The following PARD3 variants were observed in gnomAD, a reference collection of about 807,000 sequenced individuals.
PARD3 encodes partitioning defective 3 homolog.
Under a neutral mutation model 155.4 loss-of-function variants are expected in PARD3, and 75 were observed. The observed-to-expected ratio is 0.48, with a 90% CI of 0.40 to 0.58. The LOEUF (loss-of-function observed/expected upper bound fraction) is 0.58, where lower values mean the gene tolerates loss of function less well. PARD3 is among the 20% of genes least tolerant of loss of function. The probability of loss-of-function intolerance (pLI) is 0.00; values close to 1 mark genes in which losing one functional copy is unlikely to be tolerated. For synonymous variants in PARD3, 576 were observed against 610.5 expected (o/e 0.94, Z 0.83); for missense variants, 1,642 against 1,721.7 (o/e 0.95, Z 0.82).
intron 2 of PARD3, among the ~76,000 whole-genome samples, chr10:34,533,153 A>C (rs1200753553): frequency 2.6e-5 from 4 of 152,234 alleles, no homozygotes; most frequent in Non-Finnish European, 2.9e-5. Flanking sequence ...TGCAATATTG[A>C]CCAAAATATT....
At chr10:34,485,102 C>T (rs1416047134) in intron 3 of PARD3, among the ~76,000 whole-genome samples, 2 of 152,136 alleles carry the variant, frequency 1.3e-5, no homozygotes, top group Non-Finnish European at 2.9e-5. Context: ...CTTTGGGAGG[C>T]CAAGGCAGGC....
intron 2 of PARD3, among the ~76,000 whole-genome samples, chr10:34,537,509 C>T (rs573049018): frequency 3.9e-5 from 6 of 152,266 alleles, no homozygotes; most frequent in East Asian, 1.9e-4. Context: ...TTCACAGATT[C>T]GAAGTCCAAC....
chr10:34,263,832 T>C (rs971422773), intron 22 of PARD3, among the ~76,000 whole-genome samples: 4 of 152,226 alleles, frequency 2.6e-5, no homozygotes, highest in Non-Finnish European at 5.9e-5. Context: ...GACATTTGAT[T>C]GGTAACATTT....
intron 1 of PARD3, among the ~76,000 whole-genome samples, chr10:34,709,027 C>T (rs1486305644): frequency 6.6e-6 from 1 of 152,064 alleles, no homozygotes; most frequent in Non-Finnish European, 1.5e-5. Flanking sequence ...CATATATGTA[C>T]ATGTGCACAT....
chr10:34,670,631 G>A (rs1266689135), intron 2 of PARD3, among the ~76,000 whole-genome samples: 1 of 152,150 alleles, frequency 6.6e-6, no homozygotes, highest in Admixed American at 6.5e-5. Flanking sequence ...GGGGTGGGAT[G>A]TATGAGTGTG....
intron 22 of PARD3, among the ~76,000 whole-genome samples, chr10:34,155,350 A>G (rs1309383731): frequency 9.9e-5 from 15 of 152,248 alleles, no homozygotes; most frequent in Admixed American, 5.9e-4. Context: ...AAAGACATAA[A>G]AAGTCTTCAA....
At chr10:34,747,577 C>G (rs1241167721) in intron 1 of PARD3, among the ~76,000 whole-genome samples, 1 of 152,164 alleles carries the variant, frequency 6.6e-6, no homozygotes, top group Non-Finnish European at 1.5e-5. Context: ...CTACTCTTTG[C>G]CAATACCCTC....
At chr10:34,146,469 T>C (rs936884882) in intron 22 of PARD3, among the ~76,000 whole-genome samples, 3 of 152,224 alleles carry the variant, frequency 2.0e-5, no homozygotes, top group Non-Finnish European at 4.4e-5. Context: ...GAGTTTGTAA[T>C]CTACAAAGCT....
chr10:34,249,099 C>T (rs1288804469), intron 22 of PARD3, among the ~76,000 whole-genome samples: 2 of 152,088 alleles, frequency 1.3e-5, no homozygotes, highest in Non-Finnish European at 2.9e-5. Context: ...TGGAAAGTAT[C>T]AATAAGTTAA....
chr10:34,545,674 C>T (rs1328997092), intron 2 of PARD3, among the ~76,000 whole-genome samples: 1 of 152,178 alleles, frequency 6.6e-6, no homozygotes, highest in African/African-American at 2.4e-5. Flanking sequence ...CCTGCCTCAG[C>T]CTCTAGAGTA....
chr10:34,145,210 TATA>T (rs1948419267), intron 22 of PARD3, among the ~76,000 whole-genome samples: 1 of 72,018 alleles, frequency 1.4e-5, no homozygotes, highest in African/African-American at 7.0e-5. Flanking sequence ...TATATATATA[TATA>T]TATATATATT....
chr10:34,668,939 T>C (rs2093555161), intron 2 of PARD3, among the ~76,000 whole-genome samples: 1 of 152,210 alleles, frequency 6.6e-6, no homozygotes, highest in South Asian at 2.1e-4. Context: ...CAACAAATGT[T>C]TACTGAATGC....
intron 22 of PARD3, among the ~76,000 whole-genome samples, chr10:34,196,963 C>T (rs1950973718): frequency 6.6e-6 from 1 of 152,158 alleles, no homozygotes; most frequent in Non-Finnish European, 1.5e-5. Context: ...CTATGAACCG[C>T]AAGCTTTGTC....
intron 19 of PARD3, among the ~76,000 whole-genome samples, chr10:34,330,908 G>T (rs1343722651): frequency 6.6e-6 from 1 of 151,804 alleles, no homozygotes; most frequent in Non-Finnish European, 1.5e-5. Context: ...CAGGACATGT[G>T]GCCTCCAAAA....
chr10:34,573,780 CACACAGAG>C (rs2086663353), intron 2 of PARD3, among the ~76,000 whole-genome samples: 1 of 133,850 alleles, frequency 7.5e-6, no homozygotes, highest in African/African-American at 2.9e-5. Context: ...CACACACACA[CACACAGAG>C]AATCAGCCTC....
chr10:34,289,453 G>C lies in PARD3; in HGVS notation c.3066-5208C>G, dbSNP rs556833372. On this transcript the variant is annotated intron_variant, in intron 20 of 24. Transcript: ENST00000374788. ...GATCCACCCGCACCAGATTCCCAAA[G>C]TGCTGGGACTACAGGCGTGAGCCAC... Among the ~76,000 whole-genome samples, 3 of 152,118 alleles carry C rather than the reference G, an allele frequency of 2.0e-5. No homozygotes were observed. The South Asian group carries it at 6.2e-4, about 32-fold the overall frequency.
chr10:34,770,137 C>A (rs1838678348), intron 1 of PARD3, among the ~76,000 whole-genome samples: 1 of 152,152 alleles, frequency 6.6e-6, no homozygotes, highest in Non-Finnish European at 1.5e-5. Flanking sequence ...CATCACCCAG[C>A]CAAATGTTTC....
At chr10:34,445,103 T>C (rs1343803019) in intron 5 of PARD3, among the ~76,000 whole-genome samples, 6 of 151,986 alleles carry the variant, frequency 3.9e-5, no homozygotes, top group Non-Finnish European at 7.4e-5. Context: ...ATGTACATGA[T>C]GCAATCCTCT....
At chr10:34,154,454 G>T (rs966813475) in intron 22 of PARD3, among the ~76,000 whole-genome samples, 5 of 152,200 alleles carry the variant, frequency 3.3e-5, no homozygotes, top group South Asian at 4.1e-4. Context: ...TGCCTGGAAT[G>T]AAGCCTGCTT....
Sources: allele counts gnomAD v4.1 joint callset (sites outside exome capture counted in the v4.1 genomes callset), GRCh38; gene constraint gnomAD v4.1.1; transcripts MANE v1.5; gene names NCBI Gene and HGNC (gene_info 2026-07-23, HGNC 2026-07-21).